The following SGCZ variants were observed in gnomAD, a reference collection of about 807,000 sequenced individuals.
The protein encoded by SGCZ is sarcoglycan zeta, also known as zeta-sarcoglycan.
A neutral mutation model predicts 41.3 loss-of-function variants in SGCZ; 40 were observed. The ratio of observed to expected loss-of-function variants is 0.97; its 90% confidence interval spans 0.75 to 1.26. SGCZ has a LOEUF of 1.26. Among genes scored for constraint, SGCZ ranks in the 50% most tolerant of loss-of-function variants. The probability of loss-of-function intolerance (pLI) is 0.00; values close to 1 mark genes in which losing one functional copy is unlikely to be tolerated. For synonymous variants in SGCZ, 206 were observed against 137.5 expected, an observed-to-expected ratio of 1.50 and a Z score of -3.49; for missense variants, 552 against 369.8, an observed-to-expected ratio of 1.49 and a Z score of -4.04.
intron 1 of SGCZ, among the ~76,000 whole-genome samples, chr8:14,700,391 T>A (rs147850189): frequency 3.9e-5 from 6 of 152,098 alleles, no homozygotes; most frequent in African/African-American, 1.4e-4. Context: ...TTATCTATTA[T>A]AAATGGGAGC....
At chr8:14,746,724 AAACAC>A (rs1731225460) in intron 1 of SGCZ, among the ~76,000 whole-genome samples, 1 of 152,184 alleles carries the variant, frequency 6.6e-6, no homozygotes, top group Non-Finnish European at 1.5e-5. Context: ...CTAAGTCTCT[AAACAC>A]AACCCCTTAA....
chr8:14,339,736 A>G (rs1329303563), intron 2 of SGCZ, among the ~76,000 whole-genome samples: 1 of 152,192 alleles, frequency 6.6e-6, no homozygotes, highest in Admixed American at 6.5e-5. Flanking sequence ...GATCTAGCCA[A>G]AAGGATGGAA....
chr8:15,201,362 T>G (rs1434678795), intron 1 of SGCZ, among the ~76,000 whole-genome samples: 1 of 152,192 alleles, frequency 6.6e-6, no homozygotes, highest in Non-Finnish European at 1.5e-5. Context: ...ACCAGGTACC[T>G]GCCGATGACT....
At chr8:14,611,790 A>T (rs1317403363) in intron 1 of SGCZ, among the ~76,000 whole-genome samples, 1 of 152,184 alleles carries the variant, frequency 6.6e-6, no homozygotes, top group Admixed American at 6.5e-5. Flanking sequence ...ACCGAGACTG[A>T]CTAATAAAAT....
At chr8:14,886,660 G>C (rs1261752067) in intron 1 of SGCZ, among the ~76,000 whole-genome samples, 1 of 152,160 alleles carries the variant, frequency 6.6e-6, no homozygotes, top group Non-Finnish European at 1.5e-5. Context: ...AAAGAGATGA[G>C]ATCAGACATA....
chr8:14,988,755 C>A (rs13268706), intron 1 of SGCZ, among the ~76,000 whole-genome samples: 1 of 151,684 alleles, frequency 6.6e-6, no homozygotes, highest in Non-Finnish European at 1.5e-5. Context: ...TCTGGGATAA[C>A]GAAGGAAGCT....
chr8:14,780,964 A>G (rs1401130352), intron 1 of SGCZ, among the ~76,000 whole-genome samples: 2 of 152,182 alleles, frequency 1.3e-5, no homozygotes, highest in Non-Finnish European at 2.9e-5. Flanking sequence ...GAATAAAAGA[A>G]ACCAGGTTGT....
rs1383522561 is a variant in SGCZ at position 14,899,162 on chromosome 8, A to T, written c.39+338423T>A. On this transcript the variant is annotated intron_variant, in intron 1 of 7. Coordinates refer to ENST00000382080, the MANE Select transcript of SGCZ (RefSeq NM_139167.4). Reference sequence around the variant, plus strand: ...TTATCAAGACCCTTTACATAATGTCAATTTGTGGCAATGAACATATATTTT... The same window carrying T: ...TTATCAAGACCCTTTACATAATGTCTATTTGTGGCAATGAACATATATTTT... 2.0e-5 allele frequency among the ~76,000 whole-genome samples: 3 copies of T among 152,146 alleles called. No individual in the cohort carries two copies. The East Asian group carries it at 5.8e-4, about 29-fold the overall frequency.
intron 5 of SGCZ, among the ~76,000 whole-genome samples, chr8:14,117,356 GT>G (rs57139452): frequency 0.059 from 8,441 of 143,386 alleles, 466 homozygotes; most frequent in African/African-American, 0.14. Flanking sequence ...AATAGGTAGT[GT>G]TTTTTTTTTT....
At chr8:14,177,887 C>G (rs1804595421) in intron 4 of SGCZ, among the ~76,000 whole-genome samples, 1 of 150,756 alleles carries the variant, frequency 6.6e-6, no homozygotes, top group Non-Finnish European at 1.5e-5. Flanking sequence ...TGAGATAAAA[C>G]TCAATGTTAC....
intron 2 of SGCZ, among the ~76,000 whole-genome samples, chr8:14,425,601 A>T (rs1356237002): frequency 6.6e-6 from 1 of 151,734 alleles, no homozygotes; most frequent in Non-Finnish European, 1.5e-5. Context: ...AGCCTGGTTG[A>T]CAGAGGGAGA....
intron 5 of SGCZ, among the ~76,000 whole-genome samples, chr8:14,131,101 T>G (rs535557973): frequency 6.6e-6 from 1 of 152,262 alleles, no homozygotes; most frequent in African/African-American, 2.4e-5. Context: ...CTTTTGCCTA[T>G]CAAACTTCTG....
intron 1 of SGCZ, among the ~76,000 whole-genome samples, chr8:15,224,564 T>C (rs1192344466): frequency 6.6e-6 from 1 of 152,068 alleles, no homozygotes; most frequent in Non-Finnish European, 1.5e-5. Context: ...TGAACTAAAA[T>C]GCCAGAAATA....
intron 1 of SGCZ, among the ~76,000 whole-genome samples, chr8:15,199,023 A>G (rs963022706): frequency 2.0e-5 from 3 of 152,214 alleles, no homozygotes; most frequent in African/African-American, 7.2e-5. Flanking sequence ...ATATGAGAGT[A>G]TTAATACAGT....
At chr8:14,128,917 A>G (rs1305509871) in intron 5 of SGCZ, among the ~76,000 whole-genome samples, 1 of 152,182 alleles carries the variant, frequency 6.6e-6, no homozygotes, top group Non-Finnish European at 1.5e-5. Context: ...AATTGACAAT[A>G]GAGACTCCAA....
intron 1 of SGCZ, among the ~76,000 whole-genome samples, chr8:15,098,020 C>A (rs192512006): frequency 3.3e-5 from 5 of 151,202 alleles, no homozygotes; most frequent in Admixed American, 6.6e-5. Context: ...ACCTGGCTAA[C>A]CTTGGGAATT....
At chr8:14,980,043 T>G (rs1436193964) in intron 1 of SGCZ, among the ~76,000 whole-genome samples, 1 of 152,194 alleles carries the variant, frequency 6.6e-6, no homozygotes, top group African/African-American at 2.4e-5. Flanking sequence ...GATTTACCAA[T>G]GCAGATACCA....
intron 3 of SGCZ, among the ~76,000 whole-genome samples, chr8:14,302,466 A>C (rs1801227873): frequency 6.6e-6 from 1 of 152,068 alleles, no homozygotes; most frequent in Admixed American, 6.6e-5. Flanking sequence ...TAATTTTCCT[A>C]CTTCTCTGAT....
At chr8:14,359,472 G>A (rs185775345) in intron 2 of SGCZ, among the ~76,000 whole-genome samples, 96 of 151,596 alleles carry the variant, frequency 6.3e-4, no homozygotes, top group Admixed American at 1.2e-3. Context: ...CAAACCATAC[G>A]TTATGCCACA....
Sources: allele counts gnomAD v4.1 joint callset (sites outside exome capture counted in the v4.1 genomes callset), GRCh38; gene constraint gnomAD v4.1.1; transcripts MANE v1.5; gene names NCBI Gene and HGNC (gene_info 2026-07-23, HGNC 2026-07-21).